LRMDA: variants seen among roughly 807,000 people sequenced by gnomAD.
LRMDA encodes the protein leucine-rich melanocyte differentiation-associated protein.
A neutral mutation model predicts 29.8 loss-of-function variants in LRMDA; 18 were observed. The ratio of observed to expected loss-of-function variants is 0.60; its 90% confidence interval spans 0.42 to 0.90. The LOEUF (loss-of-function observed/expected upper bound fraction) is 0.90. LRMDA is among the 40% of genes least tolerant of loss of function. The probability of loss-of-function intolerance (pLI) is 0.00; values close to 1 mark genes in which losing one functional copy is unlikely to be tolerated. For synonymous variants in LRMDA, 125 were observed against 109.4 expected, an observed-to-expected ratio of 1.14 and a Z score of -0.89; for missense variants, 273 against 273.9, an observed-to-expected ratio of 1.00 and a Z score of 0.02.
chr10:76,375,693 GT>G (rs1465549952), intron 6 of LRMDA, among the ~76,000 whole-genome samples: 2 of 150,060 alleles, frequency 1.3e-5, no homozygotes, highest in African/African-American at 4.9e-5. Context: ...GATGTTACTA[GT>G]AAGTAAACTT....
At chr10:75,674,513 T>C (rs545170633) in intron 2 of LRMDA, among the ~76,000 whole-genome samples, 35 of 152,132 alleles carry the variant, frequency 2.3e-4, no homozygotes, top group Non-Finnish European at 4.7e-4. Flanking sequence ...GAGAATATTA[T>C]CGCTCTCTAA....
intron 5 of LRMDA, among the ~76,000 whole-genome samples, chr10:76,180,595 C>A (rs1851030138): frequency 6.6e-6 from 1 of 151,930 alleles, no homozygotes; most frequent in African/African-American, 2.4e-5. Flanking sequence ...GAACCTTTAA[C>A]AGAGACTTTT....
intron 4 of LRMDA, among the ~76,000 whole-genome samples, chr10:76,049,861 T>C (rs1354624566): frequency 1.3e-5 from 2 of 152,180 alleles, no homozygotes; most frequent in African/African-American, 4.8e-5. Flanking sequence ...CTATGTAAAT[T>C]TATGTGACGT....
intron 2 of LRMDA, among the ~76,000 whole-genome samples, chr10:75,820,088 C>T (rs1315833796): frequency 6.6e-6 from 1 of 152,164 alleles, no homozygotes; most frequent in Admixed American, 6.5e-5. Flanking sequence ...CTACTGACAA[C>T]ATTAGACAGA....
At chr10:75,797,827 A>G (rs1035448124) in intron 2 of LRMDA, among the ~76,000 whole-genome samples, 1 of 152,216 alleles carries the variant, frequency 6.6e-6, no homozygotes, top group Non-Finnish European at 1.5e-5. Context: ...AAATATTCAC[A>G]TATAAGTCTT....
chr10:75,446,353 A>G (rs937009614), intron 2 of LRMDA, among the ~76,000 whole-genome samples: 1 of 152,232 alleles, frequency 6.6e-6, no homozygotes, highest in East Asian at 1.9e-4. Flanking sequence ...TAGTAAACAT[A>G]GCGCTTAGAA....
intron 2 of LRMDA, among the ~76,000 whole-genome samples, chr10:75,564,187 C>T (rs1840339622): frequency 6.6e-6 from 1 of 152,268 alleles, no homozygotes. Context: ...GGGCTGCACC[C>T]AGTTGGAGCT....
At chr10:76,119,348 T>C (rs11001617) in intron 5 of LRMDA, among the ~76,000 whole-genome samples, 29,759 of 151,914 alleles carry the variant, frequency 0.2, 3,013 homozygotes, top group Admixed American at 0.26. Flanking sequence ...CTGGGGTCTG[T>C]GGGTAGCAAA....
chr10:75,877,835 G>A (rs1399752317), intron 2 of LRMDA, among the ~76,000 whole-genome samples: 10 of 152,168 alleles, frequency 6.6e-5, no homozygotes, highest in African/African-American at 2.2e-4. Context: ...CCAGGGATAA[G>A]CTGTTTTCTC....
intron 2 of LRMDA, among the ~76,000 whole-genome samples, chr10:75,973,745 G>C (rs976249878): frequency 9.9e-5 from 15 of 152,108 alleles, no homozygotes; most frequent in Admixed American, 6.5e-4. Context: ...GCAGTATTAT[G>C]GCAGCTGAAT....
At chr10:75,564,617 C>T (rs887105379) in intron 2 of LRMDA, among the ~76,000 whole-genome samples, 5 of 152,266 alleles carry the variant, frequency 3.3e-5, no homozygotes, top group Admixed American at 2.0e-4. Context: ...AATCACCCAT[C>T]TTCTGCGTCG....
chr10:76,112,454 C>T (rs762714653), intron 5 of LRMDA, among the ~76,000 whole-genome samples: 1 of 152,222 alleles, frequency 6.6e-6, no homozygotes. Flanking sequence ...ATCAGGGTTC[C>T]GCTCGCCTCT....
chr10:75,869,843 T>C (rs1206610664), intron 2 of LRMDA, among the ~76,000 whole-genome samples: 2 of 152,188 alleles, frequency 1.3e-5, no homozygotes, highest in African/African-American at 4.8e-5. Flanking sequence ...AGAACTTTGA[T>C]CCACCACTCC....
chr10:76,428,037 T>C (rs1187680804), intron 6 of LRMDA, among the ~76,000 whole-genome samples: 2 of 152,210 alleles, frequency 1.3e-5, no homozygotes, highest in East Asian at 3.9e-4. Flanking sequence ...TGCATCAATG[T>C]TCATCAGGGA....
chr10:75,779,156 T>G (rs1003098163), intron 2 of LRMDA, among the ~76,000 whole-genome samples: 19 of 152,222 alleles, frequency 1.2e-4, no homozygotes, highest in Admixed American at 3.9e-4. Flanking sequence ...TCAGCATGAC[T>G]CTAAAATCTT....
At chr10:76,301,034 A>G (rs1003319977) in intron 5 of LRMDA, among the ~76,000 whole-genome samples, 3 of 152,170 alleles carry the variant, frequency 2.0e-5, no homozygotes, top group Non-Finnish European at 4.4e-5. Context: ...AATTTTGACA[A>G]TGAGGAGGAA....
intron 2 of LRMDA, among the ~76,000 whole-genome samples, chr10:75,796,236 G>A (rs1238783965): frequency 6.6e-6 from 1 of 152,182 alleles, no homozygotes; most frequent in Non-Finnish European, 1.5e-5. Context: ...AACAGAAGAG[G>A]TGAGAACAGA....
At chr10:76,158,074 AT>A (rs1273698892) in intron 5 of LRMDA, among the ~76,000 whole-genome samples, 3 of 152,176 alleles carry the variant, frequency 2.0e-5, no homozygotes, top group Non-Finnish European at 4.4e-5. Context: ...ATTATGTGAT[AT>A]TTGACTGTAT....
chr10:75,922,122 A>C (rs1308642979), intron 2 of LRMDA, among the ~76,000 whole-genome samples: 1 of 152,202 alleles, frequency 6.6e-6, no homozygotes, highest in Non-Finnish European at 1.5e-5. Flanking sequence ...CAGACTTCCC[A>C]ACAATGGGGG....
Sources: allele counts gnomAD v4.1 joint callset (sites outside exome capture counted in the v4.1 genomes callset), GRCh38; gene constraint gnomAD v4.1.1; transcripts MANE v1.5; gene names NCBI Gene and HGNC (gene_info 2026-07-23, HGNC 2026-07-21).